FOCAD: variants seen among roughly 807,000 people sequenced by gnomAD.
FOCAD encodes the protein focadhesin.
In FOCAD, 198 loss-of-function variants were observed where a neutral mutation model predicts 225.6. The ratio of observed to expected loss-of-function variants is 0.88; its 90% CI spans 0.78 to 0.99. The LOEUF (loss-of-function observed/expected upper bound fraction) is 0.99, where lower values mean the gene tolerates loss of function less well. Ranked by LOEUF, FOCAD falls within the 50% of genes least tolerant of loss-of-function variation. FOCAD has a pLI of 0.00. For synonymous variants in FOCAD, 897 were observed against 755.0 expected, an observed-to-expected ratio of 1.19 and a Z score of -3.08; for missense variants, 2,713 against 2,123.6, an observed-to-expected ratio of 1.28 and a Z score of -5.46.
chr9:20,782,001 C>T (rs1819427873), intron 10 of FOCAD, 72 bp downstream of exon 10: 4 of 1,315,208 alleles, frequency 3.0e-6, no homozygotes, highest in Non-Finnish European at 4.4e-6. Flanking sequence ...GATAATCTTG[C>T]CTCCTGATGA....
chr9:20,727,475 A>C (rs1826297126), intron 4 of FOCAD, among the ~76,000 whole-genome samples: 1 of 152,222 alleles, frequency 6.6e-6, no homozygotes, highest in Non-Finnish European at 1.5e-5. Flanking sequence ...AAATGAGTGC[A>C]CAGAACTTTG....
chr9:20,986,070 A>C (rs1216038520), intron 39 of FOCAD, among the ~76,000 whole-genome samples: 1 of 151,860 alleles, frequency 6.6e-6, no homozygotes. Context: ...CTCCTGAACA[A>C]ATTTATGGTT....
chr9:20,757,573 A>C (rs1001750707), intron 5 of FOCAD, among the ~76,000 whole-genome samples: 1 of 152,078 alleles, frequency 6.6e-6, no homozygotes, highest in Non-Finnish European at 1.5e-5. Context: ...CCTTTTTTCT[A>C]TTCTTAAATA....
At chr9:20,716,623 G>A (rs1370849041) in intron 2 of FOCAD, among the ~76,000 whole-genome samples, 3 of 151,936 alleles carry the variant, frequency 2.0e-5, no homozygotes, top group African/African-American at 7.3e-5. Flanking sequence ...GTTTTATTAG[G>A]TTCTTGTGAT....
chr9:20,718,648 G>A (rs1046277182), intron 3 of FOCAD, among the ~76,000 whole-genome samples: 3 of 152,054 alleles, frequency 2.0e-5, no homozygotes, highest in Non-Finnish European at 4.4e-5. Flanking sequence ...CATTTTTCTG[G>A]TGTTTGTATG....
intron 5 of FOCAD, among the ~76,000 whole-genome samples, chr9:20,749,737 T>G (rs1234567905): frequency 6.6e-6 from 1 of 152,198 alleles, no homozygotes; most frequent in Non-Finnish European, 1.5e-5. Context: ...TCGCTGAATT[T>G]ATGATGTAAA....
chr9:20,674,738 T>C (rs1191183868), intron 2 of FOCAD, among the ~76,000 whole-genome samples: 1 of 152,246 alleles, frequency 6.6e-6, no homozygotes, highest in Non-Finnish European at 1.5e-5. Flanking sequence ...CTCTGTATAA[T>C]CAGTGTTTAG....
chr9:20,721,654 A>G (rs1825775247), intron 4 of FOCAD, among the ~76,000 whole-genome samples: 1 of 152,028 alleles, frequency 6.6e-6, no homozygotes, highest in Non-Finnish European at 1.5e-5. Flanking sequence ...GTGAACCGAG[A>G]TTACACCACT....
intron 11 of FOCAD, among the ~76,000 whole-genome samples, chr9:20,801,378 A>G (rs558174130): frequency 6.6e-6 from 1 of 152,122 alleles, no homozygotes; most frequent in Non-Finnish European, 1.5e-5. Context: ...AAATAAAATT[A>G]TGTGTGTAAT....
intron 10 of FOCAD, among the ~76,000 whole-genome samples, chr9:20,786,512 T>A (rs900085009): frequency 2.0e-5 from 3 of 152,194 alleles, no homozygotes; most frequent in African/African-American, 4.8e-5. Context: ...GACTGATGAG[T>A]GATTAATATC....
chr9:20,923,533 G>T (rs529700144), intron 24 of FOCAD, 127 bp from the exon 25 acceptor site: 8 of 633,028 alleles, frequency 1.3e-5, no homozygotes, highest in Non-Finnish European at 2.0e-5. Context: ...AAACAGACCT[G>T]CATTTACAAG....
intron 11 of FOCAD, among the ~76,000 whole-genome samples, chr9:20,796,148 A>C (rs201420263): frequency 8.6e-4 from 130 of 152,008 alleles, no homozygotes; most frequent in South Asian, 4.4e-3. Flanking sequence ...ATGAACTCAT[A>C]ATTTTTTATG....
chr9:20,734,249 A>T (rs1422949602), intron 4 of FOCAD, among the ~76,000 whole-genome samples: 1 of 152,156 alleles, frequency 6.6e-6, no homozygotes, highest in African/African-American at 2.4e-5. Flanking sequence ...AGGGAGTCTT[A>T]AAGGTTCCTT....
At chr9:20,938,537 C>G (rs1473353470) in intron 28 of FOCAD, among the ~76,000 whole-genome samples, 1 of 149,556 alleles carries the variant, frequency 6.7e-6, no homozygotes, top group Non-Finnish European at 1.5e-5. Context: ...AATGAGAACA[C>G]ATGGACACAG....
upstream of FOCAD, among the ~76,000 whole-genome samples, chr9:20,680,316 T>C (rs1822364506): frequency 6.6e-6 from 1 of 152,202 alleles, no homozygotes; most frequent in Non-Finnish European, 1.5e-5. Flanking sequence ...TCCCAGCACT[T>C]TGGGAGGCTG....
At chr9:20,982,950 G>A (rs970677131) in intron 39 of FOCAD, among the ~76,000 whole-genome samples, 1 of 152,144 alleles carries the variant, frequency 6.6e-6, no homozygotes, top group Non-Finnish European at 1.5e-5. Flanking sequence ...TATTTGAATG[G>A]CAGTTTTGCA....
chr9:20,990,257 A>G lies in FOCAD; in HGVS notation c.5139A>G (p.Pro1713=). 1.9e-6 allele frequency: 3 copies of G among 1,614,156 alleles called. No homozygotes were observed. Among genetic ancestry groups the G allele is most frequent in the Non-Finnish European group, 2.5e-6 (3 of 1,180,012 alleles). Residue 1713 remains proline (P), a synonymous_variant, in exon 42 of 44, where the codon CCA becomes CCG. Transcript: ENST00000338382. The stretch of plus-strand genomic sequence containing the variant: ...AGAATGGCCCGGCTGGGCCAGTACC[A>G]AGCTTCCTTGGCAGGAGTCCAATGC... ...HQENGPAGPV[P]SFLGRSPMHR...
At position 20,951,231 on chromosome 9, in the gene FOCAD, A is replaced by T. The variant is rs1264563629; in HGVS notation, c.4051+133A>T. 1.0e-5 allele frequency: 7 copies of T among 680,842 alleles called. No individual in the cohort carries two copies. The East Asian group carries it at 1.8e-4, about 18-fold the overall frequency. The allele number at this position is 680,842 out of a possible 1,614,324, so 42.2% of individuals were successfully genotyped here. Reference sequence around the variant, plus strand: ...TATTACCATCTCTGTTTTACGTCAGAGGGAAATGGTGTATGGAAAGGCTTC... The same window carrying T: ...TATTACCATCTCTGTTTTACGTCAGTGGGAAATGGTGTATGGAAAGGCTTC... On this transcript the variant is annotated intron_variant, in intron 34 of 43. Coordinates refer to ENST00000338382, the MANE Select transcript of FOCAD (RefSeq NM_001375567.1).
chr9:20,759,686 T>G (rs921429008), intron 6 of FOCAD, among the ~76,000 whole-genome samples: 3 of 152,334 alleles, frequency 2.0e-5, no homozygotes, highest in Middle Eastern at 3.4e-3. Flanking sequence ...GTTTTCTATT[T>G]TCTTTTAAAG....
Sources: gnomAD v4.1 joint callset for allele counts (sites outside exome capture counted in the v4.1 genomes callset) on GRCh38, gnomAD v4.1.1 for gene constraint, MANE v1.5 for transcripts, NCBI Gene and HGNC (gene_info 2026-07-23, HGNC 2026-07-21) for gene names.